The following PRKG1 variants were observed in gnomAD, a reference collection of about 807,000 sequenced individuals.
PRKG1 encodes the protein cGMP-dependent protein kinase 1.
In PRKG1, 35 loss-of-function variants were observed where a neutral mutation model predicts 88.1. The observed-to-expected ratio is 0.40, with a 90% CI of 0.30 to 0.53. PRKG1 has a LOEUF of 0.53. PRKG1 is among the 20% of genes least tolerant of loss of function. The pLI is 0.59. For synonymous variants in PRKG1, 303 were observed against 292.5 expected (o/e 1.04, Z -0.37); for missense variants, 540 against 839.8 (o/e 0.64, Z 4.41).
At chr10:51,878,280 A>G (rs1044833683) in intron 4 of PRKG1, among the ~76,000 whole-genome samples, 2 of 150,078 alleles carry the variant, frequency 1.3e-5, no homozygotes, top group African/African-American at 4.9e-5. Context: ...AGCACTGCTC[A>G]CCATTAAAGT....
At chr10:51,558,483 A>G (rs573910604) in intron 3 of PRKG1, among the ~76,000 whole-genome samples, 1 of 152,204 alleles carries the variant, frequency 6.6e-6, no homozygotes, top group East Asian at 1.9e-4. Flanking sequence ...GGATGGCCCC[A>G]ATAGAAGTGT....
At chr10:52,187,097 CA>C (rs201020170) in intron 9 of PRKG1, among the ~76,000 whole-genome samples, 14 of 151,800 alleles carry the variant, frequency 9.2e-5, no homozygotes, top group African/African-American at 1.4e-4. Flanking sequence ...TTTACTACTT[CA>C]AAAAAAATCA....
intron 8 of PRKG1, among the ~76,000 whole-genome samples, chr10:52,142,303 C>A (rs930254976): frequency 6.6e-6 from 1 of 152,094 alleles, no homozygotes; most frequent in Non-Finnish European, 1.5e-5. Flanking sequence ...AAAACTCATA[C>A]ATTTATTAAT....
chr10:51,021,340 C>A (rs1003020618), intron 1 of PRKG1, among the ~76,000 whole-genome samples: 1 of 152,168 alleles, frequency 6.6e-6, no homozygotes, highest in Non-Finnish European at 1.5e-5. Flanking sequence ...ACAAACCATA[C>A]GTCCGTAACA....
intron 5 of PRKG1, among the ~76,000 whole-genome samples, chr10:52,017,825 C>G (rs1392792090): frequency 6.6e-6 from 1 of 152,052 alleles, no homozygotes. Flanking sequence ...TTACAAGACC[C>G]CTGTTGTAAT....
At chr10:51,901,657 A>T (rs1369778575) in intron 4 of PRKG1, among the ~76,000 whole-genome samples, 4 of 152,184 alleles carry the variant, frequency 2.6e-5, no homozygotes, top group Non-Finnish European at 5.9e-5. Flanking sequence ...TAGAAAATGC[A>T]TCATGTCTAC....
chr10:51,822,243 T>TAA (rs1203233722), intron 4 of PRKG1, among the ~76,000 whole-genome samples: 1 of 151,998 alleles, frequency 6.6e-6, no homozygotes, highest in African/African-American at 2.4e-5. Context: ...TATTGAGCCT[T>TAA]AAAAAGAGAA....
chr10:51,964,928 C>A (rs1027631286), intron 5 of PRKG1, among the ~76,000 whole-genome samples: 1 of 151,874 alleles, frequency 6.6e-6, no homozygotes, highest in East Asian at 1.9e-4. Flanking sequence ...CAGTTGGAAA[C>A]GTTTAATCAA....
intron 1 of PRKG1, among the ~76,000 whole-genome samples, chr10:50,997,996 C>T (rs1842852601): frequency 6.6e-6 from 1 of 152,084 alleles, no homozygotes; most frequent in African/African-American, 2.4e-5. Context: ...AAATCAGTTT[C>T]CTATGGAAAG....
chr10:51,190,285 G>A (rs112000131), intron 2 of PRKG1, among the ~76,000 whole-genome samples: 2,579 of 151,974 alleles, frequency 0.017, 40 homozygotes, highest in Middle Eastern at 0.051. Context: ...CCTGAAGCTG[G>A]CCTACAGATG....
chr10:51,290,838 T>C (rs951849533), intron 2 of PRKG1, among the ~76,000 whole-genome samples: 1 of 152,140 alleles, frequency 6.6e-6, no homozygotes. Flanking sequence ...AACTGTGTGC[T>C]CCTGAACAAG....
chr10:51,011,357 G>C (rs1842991950), intron 1 of PRKG1, among the ~76,000 whole-genome samples: 1 of 152,066 alleles, frequency 6.6e-6, no homozygotes, highest in South Asian at 2.1e-4. Flanking sequence ...AGGGCAACCA[G>C]AATGTCTCCA....
Position 51,641,058 on chromosome 10 carries a change from A to AT in PRKG1, c.593-163526dup, listed in dbSNP as rs376002588. On this transcript the variant is annotated intron_variant, in intron 3 of 17. Transcript: ENST00000373980. Reference sequence around the variant, plus strand: ...TAGATAAAGAAACAAATATAATAAGATAAAAAAAATCAGATAATCAGAAAA... The same window carrying AT: ...TAGATAAAGAAACAAATATAATAAGATTAAAAAAAATCAGATAATCAGAAAA... 8.4e-3 allele frequency among the ~76,000 whole-genome samples: 948 copies of AT among 112,992 alleles called. 4 individuals are homozygous for AT. Among genetic ancestry groups the AT allele is most frequent in the Middle Eastern group, 0.033 (6 of 184 alleles). The allele number at this position is 112,992 out of a possible 152,430, so 74.1% of individuals were successfully genotyped here. A position where few individuals can be genotyped will look rare whatever the true frequency, so the allele number is the denominator to read the frequency against.
In PRKG1 at chr10:51,424,299, A is replaced by G. The variant is rs139616535; in HGVS notation, c.479-43424A>G. Among the ~76,000 whole-genome samples, 844 of 152,088 alleles carry G rather than the reference A, an allele frequency of 5.5e-3. 9 individuals are homozygous for G. The highest frequency in any genetic ancestry group is 0.019 in the African/African-American group (794 of 41,518). On this transcript the variant is annotated intron_variant, in intron 2 of 17. Transcript: ENST00000373980. ...ACATGGATATCTATATTAATGTTAT[A>G]TTTTTTCCACATATATTTCATAAAT...
At chr10:51,482,235 G>A (rs952461033) in intron 3 of PRKG1, among the ~76,000 whole-genome samples, 1 of 152,046 alleles carries the variant, frequency 6.6e-6, no homozygotes, top group Non-Finnish European at 1.5e-5. Context: ...TGTTGCTTTG[G>A]TATTTTTACC....
chr10:51,436,034 A>T (rs1334229025), intron 2 of PRKG1, among the ~76,000 whole-genome samples: 1 of 152,042 alleles, frequency 6.6e-6, no homozygotes, highest in Non-Finnish European at 1.5e-5. Flanking sequence ...GCTAAAATAT[A>T]ATAAGGTTTA....
At chr10:51,976,012 A>G (rs1843823138) in intron 5 of PRKG1, among the ~76,000 whole-genome samples, 1 of 152,048 alleles carries the variant, frequency 6.6e-6, no homozygotes, top group African/African-American at 2.4e-5. Flanking sequence ...GCATATCAAA[A>G]GGTCTTAAAC....
At chr10:51,021,034 CTG>C (rs1843129693) in intron 1 of PRKG1, among the ~76,000 whole-genome samples, 2 of 151,752 alleles carry the variant, frequency 1.3e-5, no homozygotes. Context: ...GGGTGTGTGT[CTG>C]TGTGTGTGTC....
chr10:51,561,611 C>G (rs960437866), intron 3 of PRKG1, among the ~76,000 whole-genome samples: 1 of 149,458 alleles, frequency 6.7e-6, no homozygotes, highest in Non-Finnish European at 1.5e-5. Flanking sequence ...AAGAAATGAT[C>G]GATACAGGTT....
Sources: allele counts gnomAD v4.1 joint callset (sites outside exome capture counted in the v4.1 genomes callset), GRCh38; gene constraint gnomAD v4.1.1; transcripts MANE v1.5; gene names NCBI Gene and HGNC (gene_info 2026-07-23, HGNC 2026-07-21).